CLVS1: variants seen among roughly 807,000 people sequenced by gnomAD.
CLVS1 encodes the protein clavesin-1.
A neutral mutation model predicts 33.1 loss-of-function variants in CLVS1; 10 were observed. That is an observed-to-expected ratio of 0.30 (90% CI 0.19 to 0.51). The LOEUF is 0.51. Ranked by LOEUF, CLVS1 falls within the 20% of genes least tolerant of loss-of-function variation. CLVS1 has a pLI of 0.97. For missense variants in CLVS1, 343 were observed against 433.4 expected, an observed-to-expected ratio of 0.79 and a Z score of 1.85; for synonymous variants, 163 against 166.1, an observed-to-expected ratio of 0.98 and a Z score of 0.14.
At chr8:61,467,544 G>T (rs1470179080) in intron 5 of CLVS1, among the ~76,000 whole-genome samples, 1 of 152,172 alleles carries the variant, frequency 6.6e-6, no homozygotes, top group Non-Finnish European at 1.5e-5. Context: ...CATTCTGGTG[G>T]ACAGGCACGG....
intron 3 of CLVS1, among the ~76,000 whole-genome samples, chr8:61,399,239 C>T (rs1181059211): frequency 2.6e-5 from 4 of 152,084 alleles, no homozygotes; most frequent in African/African-American, 7.2e-5. Context: ...TTAATAATAG[C>T]CATTCTGGTA....
chr8:61,360,010 C>T (rs1812908600), intron 2 of CLVS1, among the ~76,000 whole-genome samples: 1 of 152,168 alleles, frequency 6.6e-6, no homozygotes, highest in South Asian at 2.1e-4. Flanking sequence ...ACACACATCC[C>T]AGCCTCTGAA....
chr8:61,248,998 G>A (rs780784230), intron 2 of CLVS1, among the ~76,000 whole-genome samples: 2 of 152,024 alleles, frequency 1.3e-5, no homozygotes, highest in African/African-American at 4.8e-5. Flanking sequence ...ACGTGCCATG[G>A]TGGTTTGCTG....
At chr8:61,313,612 A>G (rs1297894823) in intron 2 of CLVS1, among the ~76,000 whole-genome samples, 1 of 152,182 alleles carries the variant, frequency 6.6e-6, no homozygotes, top group African/African-American at 2.4e-5. Flanking sequence ...TCCTGGAGAC[A>G]GGGAACTGTG....
At chr8:61,238,249 T>TCCTTCCTTTCTTCCCTCTAG (rs1808608721) in intron 2 of CLVS1, among the ~76,000 whole-genome samples, 1 of 152,144 alleles carries the variant, frequency 6.6e-6, no homozygotes, top group African/African-American at 2.4e-5. Flanking sequence ...TTTTGTTCCT[T>TCCTTCCTTTCTTCCCTCTAG]CCTTCCTTTC....
chr8:61,401,436 A>G (rs377099003), intron 3 of CLVS1, among the ~76,000 whole-genome samples: 1 of 152,092 alleles, frequency 6.6e-6, no homozygotes, highest in Admixed American at 6.6e-5. Flanking sequence ...GTTTTGAAGA[A>G]GTTTCCTTCT....
rs149432070 is a variant in CLVS1, at chr8:61,341,922, G to T, written c.456-34683G>T. 3.8e-3 allele frequency among the ~76,000 whole-genome samples: 573 copies of T among 152,292 alleles called. 4 individuals are homozygous for T. Among genetic ancestry groups the T allele is most frequent in the African/African-American group, 0.013 (543 of 41,562 alleles). ...GCCATTTCCTCCAGGGGCTTTTAGT[G>T]CTGTGCATTTTAAGAGTGGCGGGTT... On this transcript the variant is annotated intron_variant, in intron 2 of 5. Transcript: ENST00000325897.
At chr8:61,281,367 G>A (rs1809667676) in intron 2 of CLVS1, among the ~76,000 whole-genome samples, 2 of 152,112 alleles carry the variant, frequency 1.3e-5, no homozygotes, top group South Asian at 4.1e-4. Flanking sequence ...AAGTAATTAA[G>A]GTTAAATGAG....
At chr8:61,317,485 T>C (rs1043479613) in intron 2 of CLVS1, among the ~76,000 whole-genome samples, 5 of 152,216 alleles carry the variant, frequency 3.3e-5, no homozygotes, top group Non-Finnish European at 5.9e-5. Context: ...CTAGGATTAA[T>C]TCCAAGAAGT....
At chr8:61,365,934 G>A (rs1435924799) in intron 2 of CLVS1, among the ~76,000 whole-genome samples, 2 of 152,066 alleles carry the variant, frequency 1.3e-5, no homozygotes, top group Admixed American at 1.3e-4. Context: ...TGGCCAAAAC[G>A]GAAGTGCTTA....
At chr8:61,150,058 A>C (rs1806496944) in intron 2 of CLVS1, among the ~76,000 whole-genome samples, 1 of 148,170 alleles carries the variant, frequency 6.7e-6, no homozygotes, top group South Asian at 2.1e-4. Flanking sequence ...AGCTTTGGGA[A>C]AGTCAATTTT....
At chr8:61,219,123 A>G (rs1808155563) in intron 2 of CLVS1, among the ~76,000 whole-genome samples, 2 of 152,216 alleles carry the variant, frequency 1.3e-5, no homozygotes, top group South Asian at 4.2e-4. Flanking sequence ...GGCTGCAGTC[A>G]TTTATTTTTT....
chr8:61,186,453 G>A (rs1457106434), intron 2 of CLVS1, among the ~76,000 whole-genome samples: 1 of 152,192 alleles, frequency 6.6e-6, no homozygotes, highest in Admixed American at 6.5e-5. Flanking sequence ...GAGGCCAAGT[G>A]TCTCAGGATG....
At chr8:61,033,055 G>GAAAGAA in the CLVS1 span, among the ~76,000 whole-genome samples, 1 of 60,608 alleles carries the variant, frequency 1.6e-5, no homozygotes, top group African/African-American at 5.0e-5. Context: ...GAAAAAGAAA[G>GAAAGAA]AAAGATAGAA....
the CLVS1 span, among the ~76,000 whole-genome samples, chr8:61,047,846 G>C: frequency 1.3e-5 from 2 of 152,124 alleles, no homozygotes. Flanking sequence ...AATGCTAAAT[G>C]ACGAGTTAAT....
intron 5 of CLVS1, among the ~76,000 whole-genome samples, chr8:61,495,181 T>C (rs1048126673): frequency 2.0e-5 from 3 of 152,198 alleles, no homozygotes; most frequent in Non-Finnish European, 4.4e-5. Flanking sequence ...GTGTGAAAGA[T>C]AATTTTTTTC....
chr8:61,163,318 A>G (rs955384270), intron 2 of CLVS1, among the ~76,000 whole-genome samples: 1 of 152,148 alleles, frequency 6.6e-6, no homozygotes, highest in Non-Finnish European at 1.5e-5. Flanking sequence ...CTTGATGAAA[A>G]ATTTTATTCT....
At chr8:61,407,622 G>A (rs1331376520) in intron 3 of CLVS1, among the ~76,000 whole-genome samples, 4 of 152,274 alleles carry the variant, frequency 2.6e-5, no homozygotes, top group East Asian at 1.9e-4. Flanking sequence ...ATTCACTTTA[G>A]TACAAGTTCC....
chr8:61,442,021 A>G (rs1368085218), intron 3 of CLVS1, among the ~76,000 whole-genome samples: 1 of 152,200 alleles, frequency 6.6e-6, no homozygotes, highest in African/African-American at 2.4e-5. Flanking sequence ...ATCAAGGTAC[A>G]GAACATTCCA....
Sources: allele counts gnomAD v4.1 joint callset (sites outside exome capture counted in the v4.1 genomes callset), GRCh38; gene constraint gnomAD v4.1.1; transcripts MANE v1.5; gene names NCBI Gene and HGNC (gene_info 2026-07-23, HGNC 2026-07-21).